The following CNTN5 variants were observed in gnomAD, a reference collection of about 807,000 sequenced individuals.
CNTN5 encodes contactin-5.
A neutral mutation model predicts 129.1 loss-of-function variants in CNTN5; 77 were observed. The observed-to-expected ratio is 0.60, with a 90% confidence interval of 0.50 to 0.72. The LOEUF (loss-of-function observed/expected upper bound fraction) is 0.72, where lower values mean the gene tolerates loss of function less well. Ranked by LOEUF, CNTN5 falls within the 30% of genes least tolerant of loss-of-function variation. CNTN5 has a pLI of 0.00. For synonymous variants in CNTN5, 509 were observed against 465.6 expected (o/e 1.09, Z -1.20); for missense variants, 1,478 against 1,328.8 (o/e 1.11, Z -1.75).
At chr11:99,063,880 A>T (rs912205877) in intron 1 of CNTN5, among the ~76,000 whole-genome samples, 1 of 152,138 alleles carries the variant, frequency 6.6e-6, no homozygotes, top group African/African-American at 2.4e-5. Flanking sequence ...CTGGCAACAT[A>T]TTACAATTTG....
chr11:99,337,891 A>G (rs190180459), intron 2 of CNTN5, among the ~76,000 whole-genome samples: 2 of 152,260 alleles, frequency 1.3e-5, no homozygotes, highest in Admixed American at 1.3e-4. Flanking sequence ...AGCAGAATAA[A>G]TCTGTACTAA....
intron 9 of CNTN5, among the ~76,000 whole-genome samples, chr11:100,056,364 C>A (rs977148050): frequency 6.7e-6 from 1 of 149,542 alleles, no homozygotes; most frequent in Non-Finnish European, 1.5e-5. Context: ...GCTTTTAAGT[C>A]AAAAATTAAA....
chr11:100,193,589 A>G lies in CNTN5; in HGVS notation c.1810A>G (p.Thr604Ala). 6.2e-7 allele frequency: 1 copy of G among 1,612,224 alleles called. No homozygotes were observed. The highest frequency in any genetic ancestry group is 8.5e-7 in the Non-Finnish European group (1 of 1,178,858). Residue 604 changes from threonine to alanine, a missense_variant, in exon 15 of 25, where the codon ACT (threonine) becomes GCT (alanine). Transcript: ENST00000524871. ...AATTCACGATGCTAGTTTGGATGTC[A>G]CTTTCTACTGGACTCTGAAAGGACA... ...KAIHDASLDV[T>A]FYWTLKGQPI...
At chr11:99,551,399 A>T (rs1948476473) in intron 2 of CNTN5, among the ~76,000 whole-genome samples, 1 of 152,126 alleles carries the variant, frequency 6.6e-6, no homozygotes, top group Admixed American at 6.6e-5. Context: ...ATTGCTTTGG[A>T]ATCTTAAGAC....
intron 3 of CNTN5, among the ~76,000 whole-genome samples, chr11:99,565,768 C>A (rs548244976): frequency 6.6e-6 from 1 of 152,004 alleles, no homozygotes; most frequent in African/African-American, 2.4e-5. Context: ...CCCATGATTT[C>A]CCCCCATGCA....
At chr11:99,621,630 C>A (rs1383433778) in intron 3 of CNTN5, among the ~76,000 whole-genome samples, 1 of 152,094 alleles carries the variant, frequency 6.6e-6, no homozygotes, top group Non-Finnish European at 1.5e-5. Flanking sequence ...AACATTACTC[C>A]TAATTTTTGC....
intron 3 of CNTN5, among the ~76,000 whole-genome samples, chr11:99,710,126 C>T (rs1379517045): frequency 6.6e-6 from 1 of 151,796 alleles, no homozygotes; most frequent in Admixed American, 6.6e-5. Context: ...CCTGAACTCA[C>T]TCATAGATGC....
At chr11:100,117,635 A>G (rs1424640214) in intron 13 of CNTN5, among the ~76,000 whole-genome samples, 7 of 151,902 alleles carry the variant, frequency 4.6e-5, no homozygotes, top group Non-Finnish European at 7.4e-5. Context: ...ATCTCTTTGT[A>G]TCAGGCATAA....
chr11:99,801,480 C>T (rs558117692), intron 3 of CNTN5, among the ~76,000 whole-genome samples: 1 of 152,212 alleles, frequency 6.6e-6, no homozygotes, highest in African/African-American at 2.4e-5. Context: ...TCTACCTTTC[C>T]AAGACTATTA....
At chr11:99,820,795 C>CT (rs1946777798) in intron 4 of CNTN5, among the ~76,000 whole-genome samples, 1 of 152,188 alleles carries the variant, frequency 6.6e-6, no homozygotes, top group Non-Finnish European at 1.5e-5. Context: ...GATTTTAAGA[C>CT]TAGTACACTT....
At chr11:99,868,952 G>C (rs574133536) in intron 6 of CNTN5, among the ~76,000 whole-genome samples, 1 of 152,232 alleles carries the variant, frequency 6.6e-6, no homozygotes, top group Admixed American at 6.5e-5. Flanking sequence ...ATGCTGACAG[G>C]CAATAGCAGT....
At chr11:99,601,367 C>T (rs1591345212) in intron 3 of CNTN5, among the ~76,000 whole-genome samples, 1 of 152,254 alleles carries the variant, frequency 6.6e-6, no homozygotes, top group East Asian at 1.9e-4. Flanking sequence ...TGGTAAACCT[C>T]TTTTTCTTTC....
At chr11:99,397,115 C>A (rs1941566306) in intron 2 of CNTN5, among the ~76,000 whole-genome samples, 1 of 151,746 alleles carries the variant, frequency 6.6e-6, no homozygotes, top group Admixed American at 6.6e-5. Flanking sequence ...GTTCCTCCAT[C>A]TTTTCTAGAT....
chr11:99,293,748 T>C (rs576480610), intron 1 of CNTN5, among the ~76,000 whole-genome samples: 1 of 152,260 alleles, frequency 6.6e-6, no homozygotes, highest in Non-Finnish European at 1.5e-5. Context: ...TGTGTTTTTC[T>C]GGTACCAGGT....
intron 1 of CNTN5, among the ~76,000 whole-genome samples, chr11:99,291,076 A>C (rs1864152918): frequency 6.6e-6 from 1 of 151,910 alleles, no homozygotes; most frequent in African/African-American, 2.4e-5. Context: ...CATTGTAAAA[A>C]TAACAGGCAT....
At chr11:100,291,797 A>AAAT (rs1329155613) in intron 18 of CNTN5, among the ~76,000 whole-genome samples, 1 of 149,024 alleles carries the variant, frequency 6.7e-6, no homozygotes, top group African/African-American at 2.4e-5. Flanking sequence ...AAAAAATATA[A>AAAT]ATAAATAAAA....
chr11:99,611,952 G>C (rs1286604510), intron 3 of CNTN5, among the ~76,000 whole-genome samples: 4 of 152,126 alleles, frequency 2.6e-5, no homozygotes, highest in Non-Finnish European at 5.9e-5. Flanking sequence ...TTCCATATGG[G>C]AGAGTAAAAA....
At chr11:100,073,474 C>T (rs1213980958) in intron 12 of CNTN5, among the ~76,000 whole-genome samples, 1 of 151,238 alleles carries the variant, frequency 6.6e-6, no homozygotes, top group African/African-American at 2.4e-5. Flanking sequence ...CATATAATAT[C>T]AGATTGGTAA....
At chr11:100,230,593 T>C (rs2138646920) in intron 16 of CNTN5, among the ~76,000 whole-genome samples, 1 of 152,328 alleles carries the variant, frequency 6.6e-6, no homozygotes, top group East Asian at 1.9e-4. Context: ...TTTGCATGCA[T>C]GTACATATAT....
Sources: allele counts gnomAD v4.1 joint callset (sites outside exome capture counted in the v4.1 genomes callset), GRCh38; gene constraint gnomAD v4.1.1; transcripts MANE v1.5; gene names NCBI Gene and HGNC (gene_info 2026-07-23, HGNC 2026-07-21).